PPP3CA: variants seen among roughly 807,000 people sequenced by gnomAD.
The protein encoded by PPP3CA is CAM-PRP catalytic subunit.
PPP3CA carries 14 observed loss-of-function variants against 66.5 expected under a neutral mutation model. That is an observed-to-expected ratio of 0.21 (90% CI 0.14 to 0.33). PPP3CA has a LOEUF of 0.33. PPP3CA is among the 10% of genes least tolerant of loss of function. PPP3CA has a pLI of 1.00. For synonymous variants in PPP3CA, 232 were observed against 226.2 expected (o/e 1.03, Z -0.23); for missense variants, 317 against 639.5 (o/e 0.50, Z 5.44).
At chr4:101,052,309 C>T (rs530025122) in intron 10 of PPP3CA, among the ~76,000 whole-genome samples, 1 of 151,974 alleles carries the variant, frequency 6.6e-6, no homozygotes, top group Non-Finnish European at 1.5e-5. Flanking sequence ...TGTCAATAGC[C>T]CTAAATACGA....
At chr4:101,249,153 C>A (rs1384012177) in intron 1 of PPP3CA, among the ~76,000 whole-genome samples, 5 of 136,618 alleles carry the variant, frequency 3.7e-5, no homozygotes, top group Non-Finnish European at 7.7e-5. Flanking sequence ...GGCGACAGAG[C>A]GAGACTCTGT....
Position 101,339,983 on chromosome 4 carries a change from A to G in PPP3CA, c.58+6756T>C, listed in dbSNP as rs541353189. Among the ~76,000 whole-genome samples, 3 of 152,288 alleles carry G rather than the reference A, an allele frequency of 2.0e-5. No homozygotes were observed. In the South Asian group the frequency reaches 6.2e-4, roughly 32 times the overall value. On this transcript the variant is annotated intron_variant, in intron 1 of 13. Coordinates refer to ENST00000394854, the MANE Select transcript of PPP3CA (RefSeq NM_000944.5). ...AATAAAATCACCACAGAAAGACTCT[A>G]AGTCTAAGAATCTTAGAGCTGATGA...
rs1217266012 is a variant in PPP3CA, at chr4:101,302,434, G to GCACACTATTAACAGCAAC, written c.58+44304_58+44305insGTTGCTGTTAATAGTGTG. ...TTTTCTAAGTTAGCACACTATTACA[G>GCACACTATTAACAGCAAC]AGTGATGACTGTTAATCTGTAACAA... is the stretch of plus-strand genomic sequence containing the variant. On this transcript the variant is annotated intron_variant, in intron 1 of 13. Coordinates refer to ENST00000394854, the MANE Select transcript of PPP3CA (RefSeq NM_000944.5). Among the ~76,000 whole-genome samples, 7 of 152,200 alleles carry GCACACTATTAACAGCAAC rather than the reference G, an allele frequency of 4.6e-5. No homozygotes were observed. In the East Asian group the frequency reaches 1.3e-3, roughly 29 times the overall value.
At chr4:101,033,385 CACGTG>C (rs1727098854) in intron 11 of PPP3CA, among the ~76,000 whole-genome samples, 1 of 151,970 alleles carries the variant, frequency 6.6e-6, no homozygotes, top group African/African-American at 2.4e-5. Flanking sequence ...GAAGGTGTCT[CACGTG>C]ACTCAAACAG....
At chr4:101,299,105 CGTTTTTT>C (rs1728290404) in intron 1 of PPP3CA, among the ~76,000 whole-genome samples, 4 of 110,648 alleles carry the variant, frequency 3.6e-5, no homozygotes, top group Admixed American at 1.9e-4. Context: ...TGCCATATAT[CGTTTTTT>C]TTTTTTTTTT....
chr4:101,053,180 A>T (rs1728083538), intron 10 of PPP3CA, among the ~76,000 whole-genome samples: 2 of 152,082 alleles, frequency 1.3e-5, no homozygotes, highest in African/African-American at 4.8e-5. Flanking sequence ...GGGCACACTG[A>T]ATTTTATTTT....
intron 2 of PPP3CA, among the ~76,000 whole-genome samples, chr4:101,166,269 G>C (rs1723690449): frequency 1.3e-5 from 2 of 152,030 alleles, no homozygotes; most frequent in Non-Finnish European, 2.9e-5. Flanking sequence ...TGGCTTTTCT[G>C]AGGTACACAA....
intron 1 of PPP3CA, among the ~76,000 whole-genome samples, chr4:101,320,937 T>TA (rs1198213129): frequency 1.3e-5 from 2 of 151,990 alleles, no homozygotes; most frequent in Admixed American, 6.6e-5. Context: ...TGCTCCAGCA[T>TA]AAAAAAATGA....
intron 1 of PPP3CA, among the ~76,000 whole-genome samples, chr4:101,328,646 T>C (rs1729278312): frequency 6.6e-6 from 1 of 152,210 alleles, no homozygotes; most frequent in South Asian, 2.1e-4. Context: ...AAATTGAAGA[T>C]TTATAGCAAT....
chr4:101,312,351 CTG>C (rs1560712209), intron 1 of PPP3CA, among the ~76,000 whole-genome samples: 1 of 151,844 alleles, frequency 6.6e-6, no homozygotes, highest in African/African-American at 2.4e-5. Flanking sequence ...TGAAAACTGT[CTG>C]TATATAAATT....
In PPP3CA at chr4:101,024,386, A is replaced by G. The variant is rs1726528953; in HGVS notation, c.*1479T>C. On this transcript the variant is annotated 3_prime_UTR_variant, in exon 14 of 14. Transcript: ENST00000394854. The stretch of plus-strand genomic sequence containing the variant: ...AAAATGCTTTTTCTTTTTCATTGTT[A>G]CAAGTGCATGCTTTGATTGCCAACA... 1 of 152,650 alleles carries G rather than the reference A, an allele frequency of 6.6e-6. No homozygotes were observed. Among genetic ancestry groups the G allele is most frequent in the Non-Finnish European group, 1.5e-5 (1 of 68,042 alleles). The allele number at this position is 152,650 out of a possible 1,614,324, so 9.5% of individuals were successfully genotyped here.
At chr4:101,318,823 T>C (rs2110319210) in intron 1 of PPP3CA, among the ~76,000 whole-genome samples, 1 of 152,242 alleles carries the variant, frequency 6.6e-6, no homozygotes, top group African/African-American at 2.4e-5. Flanking sequence ...TCAAGAGAAT[T>C]CTAATAGCTC....
intron 9 of PPP3CA, among the ~76,000 whole-genome samples, chr4:101,062,970 GTTATA>G (rs894198171): frequency 6.6e-6 from 1 of 151,114 alleles, no homozygotes; most frequent in Non-Finnish European, 1.5e-5. Flanking sequence ...TTTTTAAAGC[GTTATA>G]TTATTCTAAT....
intron 1 of PPP3CA, among the ~76,000 whole-genome samples, chr4:101,201,209 C>T (rs1242591546): frequency 6.6e-6 from 1 of 152,122 alleles, no homozygotes; most frequent in African/African-American, 2.4e-5. Context: ...CTTTCTTTTA[C>T]TGGACAGTGG....
At chr4:101,326,816 T>C (rs1729223395) in intron 1 of PPP3CA, among the ~76,000 whole-genome samples, 1 of 152,210 alleles carries the variant, frequency 6.6e-6, no homozygotes. Flanking sequence ...CAAACATCTC[T>C]GAACAAGTAG....
intron 8 of PPP3CA, among the ~76,000 whole-genome samples, chr4:101,067,707 C>G (rs1169165944): frequency 6.6e-6 from 1 of 150,950 alleles, no homozygotes; most frequent in East Asian, 1.9e-4. Context: ...GGTGATATAC[C>G]TAATGCTAAA....
intron 8 of PPP3CA, among the ~76,000 whole-genome samples, chr4:101,068,059 A>G (rs1287104602): frequency 2.6e-5 from 4 of 152,152 alleles, no homozygotes; most frequent in Non-Finnish European, 4.4e-5. Flanking sequence ...AGAGGTCAAA[A>G]GAATGAAAAA....
At chr4:101,259,200 G>A (rs1726934218) in intron 1 of PPP3CA, among the ~76,000 whole-genome samples, 1 of 152,078 alleles carries the variant, frequency 6.6e-6, no homozygotes, top group Admixed American at 6.6e-5. Context: ...TTCCTCTCAT[G>A]TGTCCTTGAG....
At chr4:101,231,708 G>T (rs1725968863) in intron 1 of PPP3CA, among the ~76,000 whole-genome samples, 1 of 151,718 alleles carries the variant, frequency 6.6e-6, no homozygotes, top group African/African-American at 2.4e-5. Context: ...CCCTCCATGG[G>T]ATCATGACTA....
Sources: allele counts gnomAD v4.1 joint callset (sites outside exome capture counted in the v4.1 genomes callset), GRCh38; gene constraint gnomAD v4.1.1; transcripts MANE v1.5; gene names NCBI Gene and HGNC (gene_info 2026-07-23, HGNC 2026-07-21).